The following POLR1D variants were observed in gnomAD, a reference collection of about 807,000 sequenced individuals.
POLR1D encodes the protein RNA polymerase I and III subunit D.
A neutral mutation model predicts 10.8 loss-of-function variants in POLR1D; 8 were observed. The observed-to-expected ratio is 0.74, with a 90% CI of 0.43 to 1.33. POLR1D has a LOEUF of 1.33. Among genes scored for constraint, POLR1D ranks in the 40% most tolerant of loss-of-function variants. The pLI, the probability that POLR1D is intolerant of heterozygous loss-of-function variation, is 0.01. For synonymous variants in POLR1D, 54 were observed against 57.2 expected (o/e 0.94, Z 0.25); for missense variants, 152 against 161.7 (o/e 0.94, Z 0.32).
At chr13:27,637,487 G>A (rs1244016753) in intron 1 of POLR1D, among the ~76,000 whole-genome samples, 1 of 152,148 alleles carries the variant, frequency 6.6e-6, no homozygotes, top group Non-Finnish European at 1.5e-5. Context: ...TTGTTCAGTG[G>A]ACCATCTAAG....
At chr13:27,630,881 C>T (rs1956066081) in intron 1 of POLR1D, among the ~76,000 whole-genome samples, 1 of 152,194 alleles carries the variant, frequency 6.6e-6, no homozygotes, top group African/African-American at 2.4e-5. Context: ...CCTCCCCCAC[C>T]CTGCTGTCTA....
chr13:27,627,716 G>A (rs926718307), downstream of POLR1D, among the ~76,000 whole-genome samples: 1 of 144,572 alleles, frequency 6.9e-6, no homozygotes, highest in South Asian at 2.2e-4. Context: ...TAGAACTGCC[G>A]TAAAGTTTTA....
At chr13:27,634,963 A>G (rs1052498701) in intron 1 of POLR1D, among the ~76,000 whole-genome samples, 1 of 152,016 alleles carries the variant, frequency 6.6e-6, no homozygotes, top group Non-Finnish European at 1.5e-5. Flanking sequence ...ATGAGCCACT[A>G]TGCCTGGCCA....
At chr13:27,640,688 A>G (rs1164115777) in intron 1 of POLR1D, among the ~76,000 whole-genome samples, 1 of 151,982 alleles carries the variant, frequency 6.6e-6, no homozygotes, top group Admixed American at 6.5e-5. Context: ...TGTGGAACAT[A>G]CAAGAAATTT....
chr13:27,639,404 A>G (rs140627463), intron 1 of POLR1D, among the ~76,000 whole-genome samples: 2,135 of 152,240 alleles, frequency 0.014, 42 homozygotes, highest in African/African-American at 0.047. Context: ...TTTTCTATTC[A>G]GAGTTTAACA....
intron 1 of POLR1D, among the ~76,000 whole-genome samples, chr13:27,632,369 G>A (rs1956082614): frequency 6.6e-6 from 1 of 152,162 alleles, no homozygotes; most frequent in Non-Finnish European, 1.5e-5. Context: ...ATGCCGAATA[G>A]TACACTCATT....
chr13:27,665,981 C>T (rs1406049361), exon 3 of POLR1D: 5 of 1,609,906 alleles, frequency 3.1e-6, no homozygotes, highest in East Asian at 2.2e-5. Flanking sequence ...GCCAGCCCTG[C>T]GGGCCTCCGT....
chr13:27,643,322 G>C (rs79419486), intron 1 of POLR1D, among the ~76,000 whole-genome samples: 1 of 152,180 alleles, frequency 6.6e-6, no homozygotes, highest in Non-Finnish European at 1.5e-5. Flanking sequence ...TGTTCCTATT[G>C]AGTTTTACCT....
downstream of POLR1D, among the ~76,000 whole-genome samples, chr13:27,625,888 G>A (rs976656111): frequency 1.3e-5 from 2 of 152,182 alleles, no homozygotes; most frequent in African/African-American, 4.8e-5. Flanking sequence ...GGCAGTAACA[G>A]CATTAGTTTA....
chr13:27,635,235 ATTATTAAACGTTATTAGTAT>A (rs1296201168), intron 1 of POLR1D, among the ~76,000 whole-genome samples: 9 of 152,200 alleles, frequency 5.9e-5, no homozygotes, highest in African/African-American at 2.2e-4. Flanking sequence ...CATTTTTCAT[ATTATTAAACGTTATTAGTAT>A]TATCTTTAAA....
exon 3 of POLR1D, chr13:27,666,092 C>A: frequency 2.6e-6 from 2 of 761,968 alleles, no homozygotes; most frequent in Non-Finnish European, 4.2e-6. Context: ...AAAGAGGCTG[C>A]TGGCCACAGG....
intron 1 of POLR1D, among the ~76,000 whole-genome samples, chr13:27,645,568 T>G (rs685413): frequency 0.78 from 118,696 of 151,474 alleles, 47,751 homozygotes; most frequent in East Asian, 0.93. Context: ...GCTCTATATC[T>G]TCATTAGTTG....
At chr13:27,648,801 G>C (rs769935738) in intron 2 of POLR1D, among the ~76,000 whole-genome samples, 2 of 152,190 alleles carry the variant, frequency 1.3e-5, no homozygotes, top group Non-Finnish European at 2.9e-5. Context: ...TTTACTTATA[G>C]TCCTTAGTAA....
chr13:27,643,934 C>A (rs935667838), intron 1 of POLR1D, among the ~76,000 whole-genome samples: 2 of 152,132 alleles, frequency 1.3e-5, no homozygotes, highest in African/African-American at 4.8e-5. Flanking sequence ...TCTTATTAAG[C>A]AATGTATTGC....
At chr13:27,659,765 A>C (rs1956342618) in intron 2 of POLR1D, among the ~76,000 whole-genome samples, 1 of 152,130 alleles carries the variant, frequency 6.6e-6, no homozygotes, top group Non-Finnish European at 1.5e-5. Flanking sequence ...GTGTGTTACT[A>C]TTCACGTATC....
intron 1 of POLR1D, among the ~76,000 whole-genome samples, chr13:27,647,839 A>G (rs1185676092): frequency 6.6e-6 from 1 of 152,158 alleles, no homozygotes; most frequent in African/African-American, 2.4e-5. Flanking sequence ...AAAGTAAAAA[A>G]TTTTTAGATC....
At chr13:27,620,867 A>G (rs893432988), upstream of POLR1D, 3 of 151,574 alleles carry the variant, frequency 2.0e-5, no homozygotes, top group African/African-American at 7.2e-5. Flanking sequence ...CAAGAGTGGC[A>G]CAGCTGGGGA....
At chr13:27,623,868 C>T (rs1032882646), downstream of POLR1D, among the ~76,000 whole-genome samples, 2 of 152,052 alleles carry the variant, frequency 1.3e-5, no homozygotes, top group African/African-American at 2.4e-5. Context: ...GGAAAGATAC[C>T]AGTTTACTGC....
chr13:27,623,201 T>C lies in POLR1D; in HGVS notation c.353T>C (p.Ile118Thr). 1.2e-6 allele frequency: 2 copies of C among 1,614,152 alleles called. No homozygotes were observed. The highest frequency in any genetic ancestry group is 1.7e-6 in the Non-Finnish European group (2 of 1,180,018). Reference sequence around the variant, plus strand: ...GTGCTTGACAAGTTTGAGGCCAGCATAAAGGACTATAAGGATCAAAAAGCA... The same window carrying C: ...GTGCTTGACAAGTTTGAGGCCAGCACAAAGGACTATAAGGATCAAAAAGCA... ...QHVLDKFEAS[I>T]KDYKDQKASR... The change falls in exon 2 of 2, where the codon ATA becomes ACA. Residue 118 changes from isoleucine (I) to threonine (T), a missense_variant. Transcript: ENST00000302979.
Sources: gnomAD v4.1 joint callset for allele counts (sites outside exome capture counted in the v4.1 genomes callset) on GRCh38, gnomAD v4.1.1 for gene constraint, MANE v1.5 for transcripts, NCBI Gene and HGNC (gene_info 2026-07-23, HGNC 2026-07-21) for gene names.